The following USP10 variants were observed in gnomAD, a reference collection of about 807,000 sequenced individuals.
The protein encoded by USP10 is ubiquitin specific peptidase 10.
In USP10, 22 loss-of-function variants were observed where a neutral mutation model predicts 84.5. That is an observed-to-expected ratio of 0.26 (90% CI 0.19 to 0.37). The LOEUF is 0.37. USP10 is among the 10% of genes least tolerant of loss of function. The probability of loss-of-function intolerance (pLI) is 1.00; values close to 1 mark genes in which losing one functional copy is unlikely to be tolerated. For synonymous variants in USP10, 454 were observed against 387.6 expected (o/e 1.17, Z -2.01); for missense variants, 1,019 against 998.9 (o/e 1.02, Z -0.27).
chr16:84,766,959 G>T (rs145069774), intron 10 of USP10, among the ~76,000 whole-genome samples: 2 of 151,822 alleles, frequency 1.3e-5, no homozygotes, highest in African/African-American at 4.8e-5. Flanking sequence ...TTTCTTCCCC[G>T]GTGCCACCTT....
intron 1 of USP10, among the ~76,000 whole-genome samples, chr16:84,719,964 C>T (rs922847722): frequency 1.3e-5 from 2 of 152,292 alleles, no homozygotes; most frequent in African/African-American, 4.8e-5. Context: ...AATTTTGCAG[C>T]TTTTTACTTC....
rs182555897 is a variant in USP10, at chr16:84,758,652, A to C, written c.1193-64A>C. Reference sequence around the variant, plus strand: ...TGCTGTCCCAGAGTAGAGCATGTGAAATGATTTGAATGTTCTTCACTAGAT... The same window carrying C: ...TGCTGTCCCAGAGTAGAGCATGTGACATGATTTGAATGTTCTTCACTAGAT... On this transcript the variant is annotated intron_variant, in intron 4 of 13. Coordinates refer to ENST00000219473, the MANE Select transcript of USP10 (RefSeq NM_005153.3). 436 of 1,157,700 alleles carry C rather than the reference A, an allele frequency of 3.8e-4. 1 individual carries two copies. In the African/African-American group the frequency reaches 5.6e-3, roughly 15 times the overall value. 71.7% of individuals were successfully genotyped at this position (1,157,700 alleles called of 1,614,324 possible). A position where few individuals can be genotyped will look rare whatever the true frequency, so the allele number is the denominator to read the frequency against.
intron 4 of USP10, among the ~76,000 whole-genome samples, chr16:84,747,253 T>C (rs1362638588): frequency 6.6e-6 from 1 of 152,202 alleles, no homozygotes; most frequent in African/African-American, 2.4e-5. Flanking sequence ...AGGCTTTCTG[T>C]AATACTTTCT....
chr16:84,714,503 G>C (rs1221202689), intron 1 of USP10, among the ~76,000 whole-genome samples: 1 of 150,582 alleles, frequency 6.6e-6, no homozygotes, highest in Non-Finnish European at 1.5e-5. Context: ...TTATATTGTT[G>C]AATGTTTTTC....
chr16:84,745,304 G>A lies in USP10; in HGVS notation c.823G>A (p.Gly275Ser). ...SRTAGAQPCV[G>S]TDTTENLGVA... is the part of the protein sequence containing the mutation. Reference sequence around the variant, plus strand: ...GACAGCTGGGGCTCAGCCCTGCGTTGGTACCGATACTACTGAAAACCTTGG... The same window carrying A: ...GACAGCTGGGGCTCAGCCCTGCGTTAGTACCGATACTACTGAAAACCTTGG... The change falls in exon 4 of 14, where the codon GGT (glycine) becomes AGT (serine). Residue 275 changes from glycine to serine, a missense_variant. By Grantham distance (56) the Gly-to-Ser change is moderately conservative. Transcript: ENST00000219473. 1 of 1,613,118 alleles carries A rather than the reference G, an allele frequency of 6.2e-7. No homozygotes were observed. The highest frequency in any genetic ancestry group is 8.5e-7 in the Non-Finnish European group (1 of 1,179,720).
intron 1 of USP10, among the ~76,000 whole-genome samples, chr16:84,729,857 A>G (rs2150793473): frequency 6.6e-6 from 1 of 152,322 alleles, no homozygotes; most frequent in South Asian, 2.1e-4. Flanking sequence ...ATGATAGTTC[A>G]GTGTTGCATA....
intron 4 of USP10, among the ~76,000 whole-genome samples, chr16:84,746,432 G>A (rs1445279524): frequency 6.6e-6 from 1 of 152,222 alleles, no homozygotes; most frequent in Non-Finnish European, 1.5e-5. Flanking sequence ...AGGTGGTAGA[G>A]CCTTAGGCTG....
chr16:84,760,410 G>T (rs1913076066), intron 8 of USP10, 135 bp downstream of exon 8: 1 of 725,640 alleles, frequency 1.4e-6, no homozygotes, highest in Admixed American at 2.8e-5. Flanking sequence ...AGAGTCCATT[G>T]CTTGGATGAT....
chr16:84,778,781 T>G, intron 13 of USP10, 114 bp from the exon 14 acceptor site: 1 of 1,018,884 alleles, frequency 9.8e-7, no homozygotes, highest in South Asian at 1.7e-5. Flanking sequence ...TCCCACCTGC[T>G]TTGGAGAGGG....
At chr16:84,723,903 C>T (rs1053384815) in intron 1 of USP10, among the ~76,000 whole-genome samples, 1 of 152,216 alleles carries the variant, frequency 6.6e-6, no homozygotes. Flanking sequence ...TCCTTGGCCC[C>T]AGCAAAGATA....
At chr16:84,715,544 T>G (rs537160145) in intron 1 of USP10, among the ~76,000 whole-genome samples, 26 of 152,322 alleles carry the variant, frequency 1.7e-4, no homozygotes, top group African/African-American at 6.0e-4. Context: ...CTGGGTGACC[T>G]TACTACTTTA....
At chr16:84,732,826 C>T (rs958724448) in intron 1 of USP10, among the ~76,000 whole-genome samples, 1 of 152,222 alleles carries the variant, frequency 6.6e-6, no homozygotes, top group Non-Finnish European at 1.5e-5. Flanking sequence ...TGCAGTTTAA[C>T]CACTTCGTTT....
At chr16:84,732,656 C>T (rs1909392601) in intron 1 of USP10, 2 of 303,928 alleles carry the variant, frequency 6.6e-6, no homozygotes, top group Non-Finnish European at 1.3e-5. Flanking sequence ...CCATGTTGGC[C>T]AGGCTGGTCT....
Position 84,767,775 on chromosome 16 carries a change from TA to T in USP10, c.1833-417del, listed in dbSNP as rs200981341. Among the ~76,000 whole-genome samples the T allele has an allele frequency of 9.8e-3, 1,351 of 138,120 alleles. 11 individuals are homozygous for T. Among genetic ancestry groups the T allele is most frequent in the African/African-American group, 0.03 (1,189 of 39,764 alleles). The allele number at this position is 138,120 out of a possible 152,430, so 90.6% of individuals were successfully genotyped here. Reference sequence around the variant, plus strand: ...AGGTGCTATTCAGCAGAATTATTATTATTTTTTTTAATTTATTTTTTTATTG... The same window carrying T: ...AGGTGCTATTCAGCAGAATTATTATTTTTTTTTTAATTTATTTTTTTATTG... On this transcript the variant is annotated intron_variant, in intron 10 of 13. Coordinates refer to ENST00000219473, the MANE Select transcript of USP10 (RefSeq NM_005153.3).
intron 1 of USP10, among the ~76,000 whole-genome samples, chr16:84,722,991 G>T (rs1180326221): frequency 2.0e-5 from 3 of 152,200 alleles, no homozygotes; most frequent in African/African-American, 7.2e-5. Flanking sequence ...CAGAAAGACA[G>T]TTTGAGCAGA....
chr16:84,719,886 A>G (rs1007998090), intron 1 of USP10, among the ~76,000 whole-genome samples: 1 of 152,292 alleles, frequency 6.6e-6, no homozygotes, highest in Admixed American at 6.5e-5. Context: ...AAACTGAGAC[A>G]GCAAACAGTG....
intron 1 of USP10, among the ~76,000 whole-genome samples, chr16:84,718,526 A>G (rs991710172): frequency 1.3e-5 from 2 of 152,140 alleles, no homozygotes; most frequent in Non-Finnish European, 2.9e-5. Flanking sequence ...TGGGAGGCCA[A>G]GGCGGGTGGA....
chr16:84,714,291 A>T (rs902666006), intron 1 of USP10, among the ~76,000 whole-genome samples: 1 of 152,136 alleles, frequency 6.6e-6, no homozygotes, highest in African/African-American at 2.4e-5. Context: ...GTGGAATGAC[A>T]CTTGTTTAGT....
intron 1 of USP10, among the ~76,000 whole-genome samples, chr16:84,725,190 TC>T (rs1344941909): frequency 6.6e-6 from 1 of 152,170 alleles, no homozygotes; most frequent in African/African-American, 2.4e-5. Context: ...AGTCACCGCC[TC>T]CCGCTCCCCC....
Sources: allele counts gnomAD v4.1 joint callset (sites outside exome capture counted in the v4.1 genomes callset), GRCh38; gene constraint gnomAD v4.1.1; transcripts MANE v1.5; gene names NCBI Gene and HGNC (gene_info 2026-07-23, HGNC 2026-07-21).